The following SAG variants were observed in gnomAD, a reference collection of about 807,000 sequenced individuals.
The protein encoded by SAG is S-arrestin.
Under a neutral mutation model 55.0 loss-of-function variants are expected in SAG, and 45 were observed. That is an observed-to-expected ratio of 0.82 (90% CI 0.64 to 1.05). The LOEUF (loss-of-function observed/expected upper bound fraction) is 1.05, where lower values mean the gene tolerates loss of function less well. Ranked by LOEUF, SAG falls within the 50% of genes least tolerant of loss-of-function variation. SAG has a pLI of 0.00. For missense variants in SAG, 455 were observed against 512.1 expected (o/e 0.89, Z 1.08); for synonymous variants, 189 against 197.4 (o/e 0.96, Z 0.36).
At position 233,318,232 on chromosome 2, in the gene SAG, A is replaced by G. The variant is rs980178455; in HGVS notation, c.137-519A>G. On this transcript the variant is annotated intron_variant, in intron 3 of 15. Coordinates refer to ENST00000409110, the MANE Select transcript of SAG (RefSeq NM_000541.5). ...CAGGCTGGAGTGCAGTGGCATGATC[A>G]TGGCTCACTGCAGCCTTGACTTCCC... Among the ~76,000 whole-genome samples the G allele has an allele frequency of 5.3e-5, 8 of 152,158 alleles. No homozygotes were observed. In the East Asian group the frequency reaches 1.5e-3, roughly 29 times the overall value.
In SAG at chr2:233,318,764, G is replaced by T. The variant is rs1483109055; in HGVS notation, c.150G>T (p.Leu50Phe). ...SQVQPVDGVVLVDPDLVKGKK... is the reference protein window; with the variant it reads ...SQVQPVDGVVFVDPDLVKGKK... ...CTTTTGCCTTAGATGGTGTCGTGTTGGTTGATCCTGATCTTGTGAAGGGAA... is the reference window on the plus strand; with the variant it reads ...CTTTTGCCTTAGATGGTGTCGTGTTTGTTGATCCTGATCTTGTGAAGGGAA... Residue 50 changes from leucine (L) to phenylalanine (F), a missense_variant, in exon 4 of 16, where the codon TTG (leucine) becomes TTT (phenylalanine). Coordinates refer to ENST00000409110, the MANE Select transcript of SAG (RefSeq NM_000541.5). 3.7e-6 allele frequency: 6 copies of T among 1,613,758 alleles called. No individual in the cohort carries two copies. Among genetic ancestry groups the T allele is most frequent in the South Asian group, 1.1e-5 (1 of 91,074 alleles).
At chr2:233,326,100 A>G (rs1391461610) in intron 6 of SAG, among the ~76,000 whole-genome samples, 4 of 151,778 alleles carry the variant, frequency 2.6e-5, no homozygotes, top group South Asian at 2.1e-4. Context: ...TGGCTCCCCA[A>G]CGCATGTGAA....
intron 2 of SAG, among the ~76,000 whole-genome samples, chr2:233,313,860 A>C (rs1223371127): frequency 6.7e-6 from 1 of 149,688 alleles, no homozygotes; most frequent in African/African-American, 2.5e-5. Context: ...GAGCCACTGT[A>C]CCTGGCCAGA....
At chr2:233,310,392 G>A (rs1352806218) in intron 2 of SAG, among the ~76,000 whole-genome samples, 1 of 151,800 alleles carries the variant, frequency 6.6e-6, no homozygotes, top group African/African-American at 2.4e-5. Context: ...GAAATCTGAT[G>A]TGTATTTTAT....
In SAG at chr2:233,342,257, T is replaced by C. The variant is rs1182654562; in HGVS notation, c.1047-14T>C. The C allele has an allele frequency of 1.9e-6, 3 of 1,595,462 alleles. No homozygotes were observed. The highest frequency in any genetic ancestry group is 1.7e-5 in the Admixed American group (1 of 57,542). ...GTATGGGTGTTCACACCAATCTTCA[T>C]TCTTTTTTTCTAGTGAAGTCGCCAC... On this transcript the variant is annotated splice_polypyrimidine_tract_variant and intron_variant, in intron 13 of 15. Transcript: ENST00000409110.
chr2:233,309,376 C>A, intron 2 of SAG, 112 bp downstream of exon 2: 2 of 952,732 alleles, frequency 2.1e-6, no homozygotes, highest in Non-Finnish European at 1.6e-6. Flanking sequence ...AGGGCCAGGG[C>A]GCGGTGGCTC....
rs1449198198 is a variant in SAG at position 233,340,200 on chromosome 2, G to A, written c.1023-255G>A. ...TGGAACTCATGACCTCAAGTGATCCGCCCACCTCGGCCTCCCAAAGTGCTG... is the reference window on the plus strand; with the variant it reads ...TGGAACTCATGACCTCAAGTGATCCACCCACCTCGGCCTCCCAAAGTGCTG... On this transcript the variant is annotated intron_variant, in intron 12 of 15. Transcript: ENST00000409110. This position sits in a 1 kb window ranked among gnomAD's most constrained non-coding sequence, Gnocchi z 4.2. Among the ~76,000 whole-genome samples, 5 of 151,990 alleles carry A rather than the reference G, an allele frequency of 3.3e-5. No individual in the cohort carries two copies. The highest frequency in any genetic ancestry group is 1.3e-4 in the Admixed American group (2 of 15,238).
intron 1 of SAG, among the ~76,000 whole-genome samples, chr2:233,308,715 C>T (rs1700002290): frequency 6.6e-6 from 1 of 152,172 alleles, no homozygotes; most frequent in Non-Finnish European, 1.5e-5. Flanking sequence ...GTGTGAGCCA[C>T]AGTGCCCGGC....
At position 233,319,589 on chromosome 2, in the gene SAG, GA is replaced by G; in HGVS notation, c.181+795del. The G allele has an allele frequency of 1.0e-6, 1 of 958,752 alleles. No homozygotes were observed. The highest frequency in any genetic ancestry group is 1.2e-6 in the Non-Finnish European group (1 of 827,508). 59.4% of individuals were successfully genotyped at this position (958,752 alleles called of 1,614,324 possible). A position where few individuals can be genotyped will look rare whatever the true frequency, so the allele number is the denominator to read the frequency against. ...CGTCAGCTATGGGGCCATCAGCATT[GA>G]GGGGGCATGGCTGAAATGGGGCCCC... On this transcript the variant is annotated intron_variant, in intron 4 of 15. Coordinates refer to ENST00000409110, the MANE Select transcript of SAG (RefSeq NM_000541.5). The surrounding 1 kb of genome is among the most constrained non-coding windows in gnomAD (Gnocchi z 4.4).
intron 2 of SAG, among the ~76,000 whole-genome samples, chr2:233,311,035 C>T (rs776469102): frequency 1.3e-5 from 2 of 152,190 alleles, no homozygotes; most frequent in South Asian, 2.1e-4. Context: ...GAGGAAACCA[C>T]TCGTGTTGGT....
chr2:233,316,143 G>A lies in SAG; in HGVS notation c.136+8G>A. On this transcript the variant is annotated splice_region_variant and intron_variant, in intron 3 of 15. Transcript: ENST00000409110. ...GCCAAGTCCAGCCTGTGGGTAAGTT[G>A]CTTGGAGAAAACTGTAATGCTGGTT... 6.4e-7 allele frequency: 1 copy of A among 1,558,664 alleles called. No individual in the cohort carries two copies. Among genetic ancestry groups the A allele is most frequent in the Non-Finnish European group, 8.8e-7 (1 of 1,137,206 alleles).
chr2:233,321,083 G>C (rs1281540138), intron 5 of SAG, among the ~76,000 whole-genome samples: 2 of 152,186 alleles, frequency 1.3e-5, no homozygotes, highest in Non-Finnish European at 2.9e-5. Flanking sequence ...ACATGAGCAC[G>C]TGTTATTCCT....
Position 233,340,604 on chromosome 2 carries a change from G to A in SAG, c.1046+126G>A, listed in dbSNP as rs1306692993. 1.3e-6 allele frequency: 1 copy of A among 751,866 alleles called. No homozygotes were observed. The allele number at this position is 751,866 out of a possible 1,614,324, so 46.6% of individuals were successfully genotyped here. A position where few individuals can be genotyped will look rare whatever the true frequency, so the allele number is the denominator to read the frequency against. ...AGTTGTGCTCAGAGGTGTTAGGAAT[G>A]ATGCTTTGCCTTCGGATGCATCACA... On this transcript the variant is annotated intron_variant, in intron 13 of 15. Transcript: ENST00000409110. This position sits in a 1 kb window ranked among gnomAD's most constrained non-coding sequence, Gnocchi z 4.2.
At chr2:233,339,537 GT>G (rs10711990) in intron 12 of SAG, among the ~76,000 whole-genome samples, 51,837 of 128,934 alleles carry the variant, frequency 0.4, 10,803 homozygotes, top group South Asian at 0.51. Flanking sequence ...TTAGCATAGT[GT>G]TTTTTTTTTT....
chr2:233,341,679 GC>G (rs1044893886), intron 13 of SAG, among the ~76,000 whole-genome samples: 9 of 152,232 alleles, frequency 5.9e-5, no homozygotes, highest in African/African-American at 1.9e-4. Context: ...TAGTGGTTAT[GC>G]CAGGGACTAT....
At chr2:233,341,264 A>G (rs1487503110) in intron 13 of SAG, among the ~76,000 whole-genome samples, 1 of 152,132 alleles carries the variant, frequency 6.6e-6, no homozygotes, top group Non-Finnish European at 1.5e-5. Context: ...CTGCCTCAGC[A>G]TCCTGAGTAG....
intron 2 of SAG, among the ~76,000 whole-genome samples, chr2:233,313,719 T>G: frequency 1.0e-5 from 1 of 98,918 alleles, no homozygotes; most frequent in East Asian, 2.1e-4. Context: ...GCTAATCTTT[T>G]TTTTTTTTTT....
intron 14 of SAG, 149 bp from the exon 15 acceptor site, chr2:233,346,254 A>C: frequency 1.3e-6 from 1 of 774,790 alleles, no homozygotes; most frequent in South Asian, 1.5e-5. Flanking sequence ...CGCAGTGATC[A>C]TGAACTGCAT....
chr2:233,342,397 G>A, intron 14 of SAG, 71 bp downstream of exon 14: 1 of 1,266,942 alleles, frequency 7.9e-7, no homozygotes, highest in African/African-American at 1.5e-5. Flanking sequence ...TGTATTTCTA[G>A]TCTTTCTTGA....
Sources: allele counts gnomAD v4.1 joint callset (sites outside exome capture counted in the v4.1 genomes callset), GRCh38; gene constraint gnomAD v4.1.1; non-coding constraint Gnocchi (gnomAD v3.1); transcripts MANE v1.5; gene names NCBI Gene and HGNC (gene_info 2026-07-23, HGNC 2026-07-21).